UGGT1: variants seen among roughly 807,000 people sequenced by gnomAD.
UGGT1 encodes UDP-glucose glycoprotein glucosyltransferase 1.
In UGGT1, 107 loss-of-function variants were observed where a neutral mutation model predicts 203.9. That is an observed-to-expected ratio of 0.52 (90% CI 0.45 to 0.62). The LOEUF is 0.62. UGGT1 is among the 20% of genes least tolerant of loss of function. The probability of loss-of-function intolerance (pLI) is 0.00; values close to 1 mark genes in which losing one functional copy is unlikely to be tolerated. For synonymous variants in UGGT1, 628 were observed against 653.5 expected (o/e 0.96, Z 0.59); for missense variants, 1,673 against 1,867.2 (o/e 0.90, Z 1.92).
chr2:128,183,909 G>GGTGTGTGTGTGTGTGTGT (rs558911313), intron 38 of UGGT1, 120 bp downstream of exon 38: 229 of 340,380 alleles, frequency 6.7e-4, no homozygotes, highest in African/African-American at 2.9e-3. Context: ...GTTTTTTCAT[G>GGTGTGTGTGTGTGTGTGT]GTGTGTGTGT....
At chr2:128,107,887 A>G in intron 3 of UGGT1, 51 bp from the exon 4 acceptor site, 1 of 1,609,418 alleles carries the variant, frequency 6.2e-7, no homozygotes, top group Non-Finnish European at 8.5e-7. Flanking sequence ...TATCTTCTTT[A>G]GATATCTCTA....
At chr2:128,172,839 C>CT (rs1185859945) in intron 29 of UGGT1, 77 bp downstream of exon 29, 1 of 1,348,438 alleles carries the variant, frequency 7.4e-7, no homozygotes, top group African/African-American at 1.5e-5. Context: ...AGGTGGGCCT[C>CT]TGAGACATCA....
rs142419745 is a variant in UGGT1, at chr2:128,129,153, G to A, written c.1351G>A (p.Val451Ile). Residue 451 changes from valine to isoleucine, a missense_variant, in exon 13 of 41, where the codon GTA becomes ATA. Coordinates refer to ENST00000259253, the MANE Select transcript of UGGT1 (RefSeq NM_020120.4). ...NIQPSEADYA[V>I]DIRSPAISWV... ...CCAGCCCTCTGAGGCAGACTATGCC[G>A]TAGACATCCGGAGTCCTGCTATTTC... The A allele has an allele frequency of 6.3e-5, 101 of 1,612,184 alleles. No individual in the cohort carries two copies. Among genetic ancestry groups the A allele is most frequent in the Non-Finnish European group, 7.9e-5 (93 of 1,179,610 alleles).
intron 26 of UGGT1, among the ~76,000 whole-genome samples, chr2:128,167,577 G>A (rs990513580): frequency 6.6e-6 from 1 of 152,108 alleles, no homozygotes. Flanking sequence ...TGCTCCTGGG[G>A]GATTCCCGTG....
intron 17 of UGGT1, chr2:128,145,550 G>A (rs982954985): frequency 5.6e-5 from 20 of 359,206 alleles, no homozygotes; most frequent in Non-Finnish European, 7.1e-5. Flanking sequence ...ACACACACAC[G>A]CACTTCATAA....
intron 12 of UGGT1, among the ~76,000 whole-genome samples, chr2:128,128,028 T>G (rs1688681127): frequency 6.6e-6 from 1 of 151,860 alleles, no homozygotes; most frequent in Non-Finnish European, 1.5e-5. Flanking sequence ...GAGCTGAGAT[T>G]GCACCCCTGC....
chr2:128,164,746 A>C lies in UGGT1; in HGVS notation c.2842A>C (p.Met948Leu). 1.2e-6 allele frequency: 2 copies of C among 1,613,996 alleles called. No individual in the cohort carries two copies. Among genetic ancestry groups the C allele is most frequent in the Non-Finnish European group, 1.7e-6 (2 of 1,179,946 alleles). ...TTCTTTCAGGGCAAGCGACTTGGTA[A>C]TGAAGGTGGATGCTCTTCTGTCAGC... ...VEEDVASDLV[M>L]KVDALLSAQP... Residue 948 changes from methionine to leucine, a missense_variant, in exon 26 of 41, where the codon ATG becomes CTG. Coordinates refer to ENST00000259253, the MANE Select transcript of UGGT1 (RefSeq NM_020120.4).
At chr2:128,092,605 CT>C (rs55814829) in intron 1 of UGGT1, among the ~76,000 whole-genome samples, 11 of 126,698 alleles carry the variant, frequency 8.7e-5, no homozygotes, top group Admixed American at 2.6e-4. Flanking sequence ...TTCTTTCTTT[CT>C]TTTTTTTTTT....
intron 27 of UGGT1, 107 bp downstream of exon 27, chr2:128,170,497 G>A: frequency 1.1e-6 from 1 of 874,746 alleles, no homozygotes; most frequent in Non-Finnish European, 1.9e-6. Flanking sequence ...AACAGGCACT[G>A]GACAATGCTA....
intron 38 of UGGT1, among the ~76,000 whole-genome samples, chr2:128,184,859 T>A (rs962096343): frequency 7.9e-5 from 12 of 152,116 alleles, no homozygotes; most frequent in Non-Finnish European, 1.5e-4. Flanking sequence ...TTTTTGTATT[T>A]TCAGTAGAGA....
chr2:128,115,057 C>A, intron 6 of UGGT1, 67 bp from the exon 7 acceptor site: 2 of 1,392,772 alleles, frequency 1.4e-6, no homozygotes, highest in South Asian at 2.4e-5. Flanking sequence ...TTAACATGGT[C>A]ATGCCATGTA....
At chr2:128,152,751 C>T (rs1424628518) in intron 18 of UGGT1, 33 bp from the exon 19 acceptor site, 2 of 1,572,370 alleles carry the variant, frequency 1.3e-6, no homozygotes. Flanking sequence ...TTGCTTTACC[C>T]TCCCCCCTCA....
chr2:128,185,516 C>A (rs1691933325), intron 38 of UGGT1, among the ~76,000 whole-genome samples: 1 of 148,390 alleles, frequency 6.7e-6, no homozygotes, highest in Non-Finnish European at 1.5e-5. Context: ...CTCTGTCACC[C>A]AGGCTGGAGT....
intron 13 of UGGT1, among the ~76,000 whole-genome samples, chr2:128,132,879 A>AT (rs55995535): frequency 6.6e-6 from 1 of 151,458 alleles, no homozygotes; most frequent in Non-Finnish European, 1.5e-5. Context: ...TAATTTTTAT[A>AT]TTTTTTTGCA....
chr2:128,186,288 A>G (rs2104837790), intron 38 of UGGT1, among the ~76,000 whole-genome samples: 1 of 152,340 alleles, frequency 6.6e-6, no homozygotes. Context: ...GCAGCTGTAC[A>G]TCACTGATGT....
intron 34 of UGGT1, 32 bp from the exon 35 acceptor site, chr2:128,179,754 G>T (rs776270081): frequency 6.4e-7 from 1 of 1,556,950 alleles, no homozygotes; most frequent in East Asian, 2.3e-5. Context: ...ACATTGGAAA[G>T]CTGTTATTAA....
At chr2:128,127,184 A>G (rs1047666738) in intron 11 of UGGT1, among the ~76,000 whole-genome samples, 177 bp from the exon 12 acceptor site, 3 of 152,198 alleles carry the variant, frequency 2.0e-5, no homozygotes, top group Admixed American at 6.5e-5. Flanking sequence ...CGAAATGTGT[A>G]TACACTGTGG....
At chr2:128,111,071 T>C (rs1687823568) in intron 5 of UGGT1, among the ~76,000 whole-genome samples, 1 of 152,184 alleles carries the variant, frequency 6.6e-6, no homozygotes, top group African/African-American at 2.4e-5. Context: ...ACTGAAATGT[T>C]AAGTCCATTG....
intron 11 of UGGT1, among the ~76,000 whole-genome samples, chr2:128,125,120 G>A (rs879275920): frequency 7.2e-5 from 11 of 152,188 alleles, no homozygotes; most frequent in Admixed American, 2.0e-4. Context: ...AAATCTGTTT[G>A]CTAGAGCTGT....
Sources: allele counts gnomAD v4.1 joint callset (sites outside exome capture counted in the v4.1 genomes callset), GRCh38; gene constraint gnomAD v4.1.1; transcripts MANE v1.5; gene names NCBI Gene and HGNC (gene_info 2026-07-23, HGNC 2026-07-21).